LYRM4: variants seen among roughly 807,000 people sequenced by gnomAD.
LYRM4 encodes LYR motif-containing protein 4.
Under a neutral mutation model 11.7 loss-of-function variants are expected in LYRM4, and 9 were observed. The ratio of observed to expected loss-of-function variants is 0.77; its 90% CI spans 0.46 to 1.34. The LOEUF (loss-of-function observed/expected upper bound fraction) is 1.34, where lower values mean the gene tolerates loss of function less well. Ranked by LOEUF, LYRM4 falls within the 40% of genes most tolerant of loss-of-function variation. The pLI, the probability that LYRM4 is intolerant of heterozygous loss-of-function variation, is 0.00. For missense variants in LYRM4, 133 were observed against 112.5 expected (o/e 1.18, Z -0.82); for synonymous variants, 42 against 40.4 (o/e 1.04, Z -0.15).
At position 5,110,535 on chromosome 6, in the gene LYRM4, G is replaced by A. The variant is rs576957145; in HGVS notation, c.208-1044C>T. On this transcript the variant is annotated intron_variant, in intron 2 of 2. Transcript: ENST00000330636. ...TTGCACAGAGGTATCTTGAAGGTCC[G>A]TGGCATGGATAATAACTAAGTGTTG... 1.9e-4 allele frequency among the ~76,000 whole-genome samples: 29 copies of A among 152,268 alleles called. 1 individual carries two copies. The South Asian group carries it at 5.6e-3, about 29-fold the overall frequency.
At chr6:5,222,829 C>A (rs1762662972) in intron 1 of LYRM4, among the ~76,000 whole-genome samples, 1 of 69,514 alleles carries the variant, frequency 1.4e-5, no homozygotes. Context: ...AGCAATAACA[C>A]TGAATTAAAA....
the LYRM4 span, among the ~76,000 whole-genome samples, chr6:5,076,336 C>G: frequency 6.6e-6 from 1 of 152,114 alleles, no homozygotes; most frequent in East Asian, 1.9e-4. Context: ...TTGCATGTGA[C>G]TGGAAGGAAG....
the LYRM4 span, among the ~76,000 whole-genome samples, chr6:5,072,537 TATCTCATTGTGGTTCTG>T: frequency 2.0e-5 from 3 of 152,108 alleles, no homozygotes; most frequent in African/African-American, 7.2e-5. Context: ...TGTGAGATGA[TATCTCATTGTGGTTCTG>T]ATTTGCATTT....
intron 2 of LYRM4, among the ~76,000 whole-genome samples, chr6:5,175,042 T>G (rs995469673): frequency 1.2e-4 from 18 of 152,220 alleles, no homozygotes; most frequent in Admixed American, 9.2e-4. Context: ...GTTACAAGAA[T>G]TCTTTGCAAA....
At position 5,140,134 on chromosome 6, in the gene LYRM4, G is replaced by A. The variant is rs373517128; in HGVS notation, c.208-30643C>T. ...TCCCAGCTACTTGGGAGGCTTAGGT[G>A]GGAAGATCACTTAAGCCTGGGAGTC... is the stretch of plus-strand genomic sequence containing the variant. On this transcript the variant is annotated intron_variant, in intron 2 of 2. Coordinates refer to ENST00000330636, the MANE Select transcript of LYRM4 (RefSeq NM_020408.6). Among the ~76,000 whole-genome samples the A allele has an allele frequency of 4.6e-5, 7 of 150,812 alleles. No homozygotes were observed. In the South Asian group the frequency reaches 1.3e-3, roughly 27 times the overall value.
the LYRM4 span, among the ~76,000 whole-genome samples, chr6:5,062,499 A>G: frequency 6.6e-6 from 1 of 151,630 alleles, no homozygotes; most frequent in South Asian, 2.1e-4. Context: ...TTCATGACCT[A>G]TCTGCATTTT....
intron 1 of LYRM4, among the ~76,000 whole-genome samples, chr6:5,243,153 T>C (rs1763986281): frequency 2.0e-5 from 3 of 152,322 alleles, no homozygotes; most frequent in African/African-American, 7.2e-5. Flanking sequence ...AAATGCTCAG[T>C]TCGTGTGTCT....
At chr6:5,183,378 T>A (rs183068490) in intron 2 of LYRM4, among the ~76,000 whole-genome samples, 3 of 152,316 alleles carry the variant, frequency 2.0e-5, no homozygotes, top group African/African-American at 4.8e-5. Context: ...CATTTTTTTT[T>A]ATCCTTAGTC....
chr6:5,052,218 TATAAA>T, the LYRM4 span, among the ~76,000 whole-genome samples: 3,844 of 152,314 alleles, frequency 0.025, 75 homozygotes, highest in South Asian at 0.092. Flanking sequence ...TATAAACAAT[TATAAA>T]ATAGTATTAT....
At chr6:5,118,095 T>TATATATATA (rs34304149) in intron 2 of LYRM4, among the ~76,000 whole-genome samples, 4 of 96,880 alleles carry the variant, frequency 4.1e-5, no homozygotes, top group Non-Finnish European at 4.1e-5. Flanking sequence ...TATATATATA[T>TATATATATA]TTTTGTTTTG....
chr6:5,128,855 G>A (rs1342515782), intron 2 of LYRM4, among the ~76,000 whole-genome samples: 2 of 152,232 alleles, frequency 1.3e-5, no homozygotes, highest in East Asian at 3.8e-4. Context: ...CCAGCACCTG[G>A]AGGGAGCAGA....
intron 1 of LYRM4, among the ~76,000 whole-genome samples, chr6:5,236,716 G>A (rs1287464013): frequency 1.3e-5 from 2 of 151,816 alleles, no homozygotes; most frequent in Non-Finnish European, 2.9e-5. Flanking sequence ...GGGAGGCCAA[G>A]GCGGGAGGAT....
At chr6:5,122,375 C>A (rs1763496782) in intron 2 of LYRM4, among the ~76,000 whole-genome samples, 1 of 152,200 alleles carries the variant, frequency 6.6e-6, no homozygotes, top group African/African-American at 2.4e-5. Flanking sequence ...ACGAACACAG[C>A]AGAACCAGAG....
the LYRM4 span, among the ~76,000 whole-genome samples, chr6:5,052,177 G>A: frequency 1.3e-5 from 2 of 152,074 alleles, no homozygotes; most frequent in Non-Finnish European, 2.9e-5. Flanking sequence ...AAAGCTATAT[G>A]AAAAATAAAG....
chr6:5,100,521 A>G (rs939359960), downstream of LYRM4, among the ~76,000 whole-genome samples: 12 of 152,004 alleles, frequency 7.9e-5, no homozygotes, highest in Non-Finnish European at 1.5e-5. Flanking sequence ...GTTCTAAGAG[A>G]AAGTACTTCG....
chr6:5,136,698 C>T (rs1757118841), intron 2 of LYRM4: 2 of 985,392 alleles, frequency 2.0e-6, no homozygotes. Flanking sequence ...GTCCTAGCCA[C>T]AGTCTGTGGT....
At chr6:5,064,099 G>A in the LYRM4 span, among the ~76,000 whole-genome samples, 1 of 152,150 alleles carries the variant, frequency 6.6e-6, no homozygotes, top group Non-Finnish European at 1.5e-5. Context: ...GCTTTTGGGA[G>A]CCTGTTTCTA....
intron 2 of LYRM4, among the ~76,000 whole-genome samples, chr6:5,157,871 C>T (rs1409328716): frequency 6.6e-6 from 1 of 152,204 alleles, no homozygotes; most frequent in Non-Finnish European, 1.5e-5. Context: ...AGCCTGTAGG[C>T]GCAGACTGCA....
In LYRM4 at chr6:5,135,065, GACT is replaced by G. The variant is rs1757012580; in HGVS notation, c.208-25577_208-25575del. On this transcript the variant is annotated intron_variant, in intron 2 of 2. Coordinates refer to ENST00000330636, the MANE Select transcript of LYRM4 (RefSeq NM_020408.6). ...TGTGGAGGGTGCGGATCGCTCCCGG[GACT>G]GTGGAGGGTGCGGTTCACTCCCGGG... is the stretch of plus-strand genomic sequence containing the variant. 6.9e-4 allele frequency among the ~76,000 whole-genome samples: 45 copies of G among 64,994 alleles called. 4 individuals carry two copies. Among genetic ancestry groups the G allele is most frequent in the East Asian group, 1.6e-3 (3 of 1,868 alleles). The allele number at this position is 64,994 out of a possible 152,430, so 42.6% of individuals were successfully genotyped here. A position where few individuals can be genotyped will look rare whatever the true frequency, so the allele number is the denominator to read the frequency against.
Sources: gnomAD v4.1 joint callset for allele counts (sites outside exome capture counted in the v4.1 genomes callset) on GRCh38, gnomAD v4.1.1 for gene constraint, MANE v1.5 for transcripts, NCBI Gene and HGNC (gene_info 2026-07-23, HGNC 2026-07-21) for gene names.